The following KSR1 variants were observed in gnomAD, a reference collection of about 807,000 sequenced individuals.
The protein encoded by KSR1 is kinase suppressor of ras 1, also known as kinase suppressor of ras.
In KSR1, 35 loss-of-function variants were observed where a neutral mutation model predicts 92.9. The observed-to-expected ratio is 0.38, with a 90% confidence interval of 0.29 to 0.50. KSR1 has a LOEUF of 0.50. Ranked by LOEUF, KSR1 falls within the 20% of genes least tolerant of loss-of-function variation. The pLI is 0.94. For missense variants in KSR1, 972 were observed against 1,158.5 expected (o/e 0.84, Z 2.34); for synonymous variants, 467 against 472.6 (o/e 0.99, Z 0.15).
At chr17:27,536,770 G>A (rs919687286) in intron 1 of KSR1, among the ~76,000 whole-genome samples, 4 of 152,214 alleles carry the variant, frequency 2.6e-5, no homozygotes, top group African/African-American at 9.6e-5. Context: ...ACCCTGGGTG[G>A]GGACCATTCC....
rs761369911 is a variant in KSR1 at position 27,623,631 on chromosome 17, G to A, written c.*239G>A. 37 of 610,064 alleles carry A rather than the reference G, an allele frequency of 6.1e-5. No individual in the cohort carries two copies. The highest frequency in any genetic ancestry group is 1.1e-4 in the African/African-American group (6 of 53,860). 37.8% of individuals were successfully genotyped at this position (610,064 alleles called of 1,614,324 possible). On this transcript the variant is annotated 3_prime_UTR_variant, in exon 21 of 21. Coordinates refer to ENST00000644974, the MANE Select transcript of KSR1 (RefSeq NM_001394583.1). ...CATGACAGACAGCAAATGTTTACAC[G>A]TATATTTCTCCTGAGTGAACCTGAT...
At chr17:27,555,447 T>A (rs1471783984) in intron 2 of KSR1, among the ~76,000 whole-genome samples, 1 of 152,176 alleles carries the variant, frequency 6.6e-6, no homozygotes, top group African/African-American at 2.4e-5. Context: ...GCTTTGGCCA[T>A]TGGGAGTTCT....
At chr17:27,601,789 G>A in intron 11 of KSR1, 1 of 807,660 alleles carries the variant, frequency 1.2e-6, no homozygotes, top group South Asian at 1.7e-5. Context: ...GCACAATGAT[G>A]GGAGGATATC....
chr17:27,521,578 TG>T (rs1178239642), intron 1 of KSR1, among the ~76,000 whole-genome samples: 1 of 152,110 alleles, frequency 6.6e-6, no homozygotes, highest in East Asian at 1.9e-4. Context: ...ATCACAGACA[TG>T]AGCCACCACG....
chr17:27,558,403 C>G (rs1474973706), intron 2 of KSR1, among the ~76,000 whole-genome samples: 1 of 151,686 alleles, frequency 6.6e-6, no homozygotes, highest in Non-Finnish European at 1.5e-5. Flanking sequence ...GTAAGAGATA[C>G]AGTTTCATCA....
intron 5 of KSR1, among the ~76,000 whole-genome samples, chr17:27,586,660 G>A (rs750907185): frequency 1.3e-5 from 2 of 152,152 alleles, no homozygotes; most frequent in African/African-American, 2.4e-5. Flanking sequence ...GTGGTAACAC[G>A]GGGACTGGAG....
intron 2 of KSR1, among the ~76,000 whole-genome samples, chr17:27,562,142 G>A (rs1396427602): frequency 2.6e-5 from 4 of 152,134 alleles, no homozygotes; most frequent in East Asian, 1.9e-4. Context: ...CACCAGGCCC[G>A]GCCTTGCTTG....
At chr17:27,512,315 T>C (rs114270900) in intron 1 of KSR1, among the ~76,000 whole-genome samples, 4,400 of 152,336 alleles carry the variant, frequency 0.029, 226 homozygotes, top group African/African-American at 0.1. Context: ...TGAATTGCTG[T>C]ACCCTTGCCA....
intron 11 of KSR1, among the ~76,000 whole-genome samples, chr17:27,601,734 C>G (rs1045562676): frequency 1.8e-4 from 28 of 152,346 alleles, no homozygotes; most frequent in African/African-American, 6.3e-4. Context: ...GGGGAGAGGA[C>G]TTTTTGCTAA....
intron 16 of KSR1, 191 bp from the exon 17 acceptor site, chr17:27,609,876 A>T: frequency 1.7e-6 from 1 of 603,542 alleles, no homozygotes; most frequent in East Asian, 3.1e-5. Flanking sequence ...ACAACCGGTC[A>T]TGACTCCTTT....
At chr17:27,494,356 G>A (rs1298465173) in intron 1 of KSR1, among the ~76,000 whole-genome samples, 1 of 152,180 alleles carries the variant, frequency 6.6e-6, no homozygotes, top group Non-Finnish European at 1.5e-5. Flanking sequence ...GTCCAAGCAG[G>A]TGAGCATTCA....
intron 1 of KSR1, among the ~76,000 whole-genome samples, chr17:27,475,307 T>A (rs2068307420): frequency 6.6e-6 from 1 of 151,956 alleles, no homozygotes; most frequent in African/African-American, 2.4e-5. Context: ...GAAGAGAAGG[T>A]GGTGAGAGGT....
At chr17:27,494,245 G>C (rs570347091) in intron 1 of KSR1, among the ~76,000 whole-genome samples, 1 of 152,074 alleles carries the variant, frequency 6.6e-6, no homozygotes, top group African/African-American at 2.4e-5. Context: ...GAGAAATGCC[G>C]TGTGGTTGCG....
chr17:27,541,124 G>T (rs923142426), intron 1 of KSR1, among the ~76,000 whole-genome samples: 1 of 152,248 alleles, frequency 6.6e-6, no homozygotes, highest in East Asian at 1.9e-4. Flanking sequence ...CAGGGACTTG[G>T]CAGGAGCAAA....
intron 11 of KSR1, chr17:27,602,042 T>C: frequency 1.1e-6 from 1 of 910,922 alleles, no homozygotes; most frequent in Non-Finnish European, 1.7e-6. Flanking sequence ...GCCCCTAAAG[T>C]GCTTGAGATC....
chr17:27,611,836 A>G (rs1435458653), intron 18 of KSR1, among the ~76,000 whole-genome samples: 1 of 151,626 alleles, frequency 6.6e-6, no homozygotes, highest in Non-Finnish European at 1.5e-5. Context: ...ATCTATCCTC[A>G]CCCCACTGCT....
Position 27,605,616 on chromosome 17 carries a change from G to A in KSR1, c.1797G>A (p.Gln599=). Residue 599 remains glutamine, a synonymous_variant, in exon 14 of 21, where the codon CAG becomes CAA. Coordinates refer to ENST00000644974, the MANE Select transcript of KSR1 (RefSeq NM_001394583.1). ...EQVELGEPIG[Q]GRWGRVHRGR... ...TAGAGCTGGGCGAGCCCATCGGGCA[G>A]GGCCGCTGGGGCCGGGTGCACCGCG... 1 of 1,606,322 alleles carries A rather than the reference G, an allele frequency of 6.2e-7. No individual in the cohort carries two copies. The highest frequency in any genetic ancestry group is 8.5e-7 in the Non-Finnish European group (1 of 1,177,106).
At chr17:27,526,388 A>C in intron 1 of KSR1, 1 of 1,492,682 alleles carries the variant, frequency 6.7e-7, no homozygotes, top group Non-Finnish European at 9.0e-7. Flanking sequence ...CCAAAGTCTT[A>C]GGGTGAATTG....
intron 4 of KSR1, among the ~76,000 whole-genome samples, chr17:27,584,651 T>A (rs1598084155): frequency 6.6e-6 from 1 of 152,188 alleles, no homozygotes; most frequent in Non-Finnish European, 1.5e-5. Flanking sequence ...ATGACACAAC[T>A]AGCCTCAAAC....
Sources: allele counts gnomAD v4.1 joint callset (sites outside exome capture counted in the v4.1 genomes callset), GRCh38; gene constraint gnomAD v4.1.1; transcripts MANE v1.5; gene names NCBI Gene and HGNC (gene_info 2026-07-23, HGNC 2026-07-21).